The following RNF212 variants were observed in gnomAD, a reference collection of about 807,000 sequenced individuals.
RNF212 encodes ring finger protein 212.
Under a neutral mutation model 34.7 loss-of-function variants are expected in RNF212, and 33 were observed. The observed-to-expected ratio is 0.95, with a 90% CI of 0.72 to 1.27. RNF212 has a LOEUF of 1.27. Among genes scored for constraint, RNF212 ranks in the 50% most tolerant of loss-of-function variants. RNF212 has a pLI of 0.00. For synonymous variants in RNF212, 140 were observed against 136.1 expected, an observed-to-expected ratio of 1.03 and a Z score of -0.20; for missense variants, 377 against 362.2, an observed-to-expected ratio of 1.04 and a Z score of -0.33.
intron 3 of RNF212, among the ~76,000 whole-genome samples, chr4:1,061,079 A>G (rs1252080200): frequency 6.6e-6 from 1 of 152,252 alleles, no homozygotes; most frequent in African/African-American, 2.4e-5. Context: ...TGAAATCAGA[A>G]CACACTGACT....
chr4:1,088,096 TG>T (rs2153049178), intron 4 of RNF212, among the ~76,000 whole-genome samples: 2 of 152,266 alleles, frequency 1.3e-5, no homozygotes, highest in South Asian at 4.1e-4. Flanking sequence ...GGGCAGAAGT[TG>T]GAACAATTTG....
chr4:1,079,114 TCAACACAGGAC>T lies in RNF212; in HGVS notation c.510+518_510+528del, dbSNP rs1313869985. Among the ~76,000 whole-genome samples the T allele has an allele frequency of 2.3e-5, 3 of 129,764 alleles. No homozygotes were observed. The East Asian group carries it at 6.9e-4, about 30-fold the overall frequency. 85.1% of individuals were successfully genotyped at this position (129,764 alleles called of 152,430 possible). A position where few individuals can be genotyped will look rare whatever the true frequency, so the allele number is the denominator to read the frequency against. ...GGACCAACATAGGACCAACACAGGGTCAACACAGGACCAACATAGGACCAACACAGGGTCAA... is the reference window on the plus strand; with the variant it reads ...GGACCAACATAGGACCAACACAGGGTCAACATAGGACCAACACAGGGTCAA... On this transcript the variant is annotated intron_variant, in intron 8 of 9. Transcript: ENST00000433731.
intron 3 of RNF212, among the ~76,000 whole-genome samples, chr4:1,061,617 G>A (rs1325146037): frequency 3.3e-5 from 5 of 152,190 alleles, no homozygotes; most frequent in Non-Finnish European, 7.3e-5. Context: ...TCAGGGATGC[G>A]TGGTGTTGGA....
At chr4:1,099,950 T>C (rs1225020967) in intron 2 of RNF212, 1 of 446,718 alleles carries the variant, frequency 2.2e-6, no homozygotes, top group Non-Finnish European at 4.5e-6. Flanking sequence ...GCTCTTATCA[T>C]CATGGAGGCT....
chr4:1,061,952 G>A (rs566449335), intron 3 of RNF212, among the ~76,000 whole-genome samples: 5 of 152,306 alleles, frequency 3.3e-5, no homozygotes, highest in African/African-American at 1.2e-4. Flanking sequence ...GATGGCAGAG[G>A]CCCACGCTGT....
rs373518537 is a variant in RNF212, at chr4:1,092,705, A to G, written c.247-1867T>C. ...GCAAAACTCCAGGGCTGCGATGGTC[A>G]CAGAGGCTGCGCTGGGCCAGGTCAG... On this transcript the variant is annotated intron_variant, in intron 3 of 9. Transcript: ENST00000433731. Among the ~76,000 whole-genome samples, 68 of 152,392 alleles carry G rather than the reference A, an allele frequency of 4.5e-4. 1 individual carries two copies. The South Asian group carries it at 0.011, about 25-fold the overall frequency.
intron 8 of RNF212, among the ~76,000 whole-genome samples, chr4:1,077,604 G>A (rs1164192698): frequency 6.6e-6 from 1 of 152,214 alleles, no homozygotes; most frequent in Non-Finnish European, 1.5e-5. Flanking sequence ...AAGCTGACCT[G>A]ACAGAACAAA....
intron 8 of RNF212, among the ~76,000 whole-genome samples, chr4:1,075,112 G>A (rs1490236897): frequency 6.6e-6 from 1 of 152,222 alleles, no homozygotes; most frequent in Non-Finnish European, 1.5e-5. Flanking sequence ...AACCTTTCTT[G>A]TAAATGGGCC....
chr4:1,094,221 T>C (rs1220414249), intron 3 of RNF212, among the ~76,000 whole-genome samples: 1 of 151,872 alleles, frequency 6.6e-6, no homozygotes, highest in Non-Finnish European at 1.5e-5. Context: ...CGGTGGGAGC[T>C]GCACTCTTCA....
chr4:1,066,585 T>A (rs1718114074), downstream of RNF212, among the ~76,000 whole-genome samples: 1 of 152,238 alleles, frequency 6.6e-6, no homozygotes, highest in Non-Finnish European at 1.5e-5. Flanking sequence ...TTTGCCTTGG[T>A]CTCCCAAAGT....
chr4:1,063,476 C>T (rs954784463), intron 3 of RNF212, among the ~76,000 whole-genome samples: 2 of 152,014 alleles, frequency 1.3e-5, no homozygotes, highest in Admixed American at 1.3e-4. Context: ...TTTGGGAGGC[C>T]GAGGTGGGCA....
rs55813847 is a variant in RNF212, at chr4:1,073,030, T to C, written c.738A>G (p.Glu246=). The C allele has an allele frequency of 1.6e-3, 2,602 of 1,614,156 alleles. 7 individuals are homozygous for C. The highest frequency in any genetic ancestry group is 2.0e-3 in the Non-Finnish European group (2,304 of 1,180,018). ...LLAFSSGRHG[E]LTNSKTLPIY... ...TTGGAAGTGTTTTAGAGTTGGTGAG[T>C]TCCCCGTGCCTTCCAGAACTGAACG... The change falls in exon 10 of 10, where the codon GAA becomes GAG. Residue 246 remains glutamate, a synonymous_variant. Transcript: ENST00000433731.
chr4:1,099,918 G>T (rs1723694096), intron 2 of RNF212: 2 of 454,894 alleles, frequency 4.4e-6, no homozygotes, highest in Non-Finnish European at 8.8e-6. Context: ...TCAGACACAG[G>T]AAAGGGGCGC....
At chr4:1,086,173 G>C (rs1721132030) in intron 4 of RNF212, among the ~76,000 whole-genome samples, 1 of 152,164 alleles carries the variant, frequency 6.6e-6, no homozygotes, top group Non-Finnish European at 1.5e-5. Flanking sequence ...AGCCCCAGGG[G>C]ACAAATCTCA....
intron 4 of RNF212, among the ~76,000 whole-genome samples, chr4:1,088,292 G>A (rs1577722340): frequency 6.6e-6 from 1 of 152,226 alleles, no homozygotes; most frequent in East Asian, 1.9e-4. Flanking sequence ...CTTTAGCAAA[G>A]AGACTGGAGG....
At chr4:1,112,650 G>C (rs1725872715) in intron 1 of RNF212, among the ~76,000 whole-genome samples, 1 of 149,622 alleles carries the variant, frequency 6.7e-6, no homozygotes, top group South Asian at 2.1e-4. Flanking sequence ...GCAAGCCAGA[G>C]CCCCCGACTG....
chr4:1,083,663 CAAA>C (rs1720716463), intron 5 of RNF212, among the ~76,000 whole-genome samples: 1 of 151,864 alleles, frequency 6.6e-6, no homozygotes, highest in Admixed American at 6.6e-5. Flanking sequence ...AACAAACAAA[CAAA>C]CAAACAAACT....
At chr4:1,110,606 G>A (rs1276388843) in intron 1 of RNF212, among the ~76,000 whole-genome samples, 2 of 152,156 alleles carry the variant, frequency 1.3e-5, no homozygotes. Flanking sequence ...ACGGAAGGAG[G>A]TCTATGTTTG....
At chr4:1,060,733 G>A (rs756611193) in intron 3 of RNF212, among the ~76,000 whole-genome samples, 17 of 152,276 alleles carry the variant, frequency 1.1e-4, no homozygotes, top group Non-Finnish European at 2.5e-4. Flanking sequence ...CAGATCCACT[G>A]TGCTGTGTTC....
Sources: gnomAD v4.1 joint callset for allele counts (sites outside exome capture counted in the v4.1 genomes callset) on GRCh38, gnomAD v4.1.1 for gene constraint, MANE v1.5 for transcripts, NCBI Gene and HGNC (gene_info 2026-07-23, HGNC 2026-07-21) for gene names.